The following HS6ST3 variants were observed in gnomAD, a reference collection of about 807,000 sequenced individuals.
HS6ST3 encodes heparan sulfate 6-O-sulfotransferase 3.
A neutral mutation model predicts 36.7 loss-of-function variants in HS6ST3; 12 were observed. That is an observed-to-expected ratio of 0.33 (90% confidence interval 0.21 to 0.53). HS6ST3 has a LOEUF of 0.53. Among genes scored for constraint, HS6ST3 ranks in the 20% least tolerant of loss-of-function variants. The pLI, the probability that HS6ST3 is intolerant of heterozygous loss-of-function variation, is 0.95. For missense variants in HS6ST3, 584 were observed against 640.9 expected (o/e 0.91, Z 0.96); for synonymous variants, 240 against 257.5 (o/e 0.93, Z 0.65).
At chr13:96,713,513 A>G (rs185211481) in intron 1 of HS6ST3, among the ~76,000 whole-genome samples, 8 of 152,226 alleles carry the variant, frequency 5.3e-5, no homozygotes, top group African/African-American at 1.9e-4. Flanking sequence ...GATTCTGAAC[A>G]CCTCTCATAT....
intron 1 of HS6ST3, among the ~76,000 whole-genome samples, chr13:96,379,072 T>G (rs1290524596): frequency 6.6e-6 from 1 of 152,156 alleles, no homozygotes; most frequent in Non-Finnish European, 1.5e-5. Flanking sequence ...TTTTTAACCA[T>G]CCTCTTTCCA....
intron 1 of HS6ST3, among the ~76,000 whole-genome samples, chr13:96,394,669 A>G (rs141806043): frequency 9.8e-5 from 15 of 152,346 alleles, no homozygotes; most frequent in African/African-American, 3.4e-4. Flanking sequence ...TAGCATATTA[A>G]CAATAATCTT....
At chr13:96,629,896 C>T (rs922184281) in intron 1 of HS6ST3, among the ~76,000 whole-genome samples, 1 of 151,822 alleles carries the variant, frequency 6.6e-6, no homozygotes, top group African/African-American at 2.4e-5. Flanking sequence ...GGACTTTAAA[C>T]TTTCTCAGTC....
intron 1 of HS6ST3, among the ~76,000 whole-genome samples, chr13:96,779,175 G>T (rs1339747796): frequency 6.6e-6 from 1 of 152,064 alleles, no homozygotes; most frequent in Admixed American, 6.6e-5. Flanking sequence ...ATTGATGAGT[G>T]GGGGGCTAGG....
Position 96,090,899 on chromosome 13 carries a change from G to A in HS6ST3, c.37G>A (p.Val13Met). The A allele has an allele frequency of 2.6e-6, 4 of 1,514,524 alleles. No individual in the cohort carries two copies. Among genetic ancestry groups the A allele is most frequent in the Non-Finnish European group, 2.7e-6 (3 of 1,126,762 alleles). The allele number at this position is 1,514,524 out of a possible 1,614,324, so 93.8% of individuals were successfully genotyped here. ...GTTCAACAAGTGGCTGCTGACGCCGGTGCTCACTCTCCTCTTCGTGGTCAT... is the reference window on the plus strand; with the variant it reads ...GTTCAACAAGTGGCTGCTGACGCCGATGCTCACTCTCCTCTTCGTGGTCAT... ...ERFNKWLLTP[V>M]LTLLFVVIMY... is the part of the protein sequence containing the mutation. Residue 13 changes from valine to methionine, a missense_variant, in exon 1 of 2, where the codon GTG becomes ATG. Transcript: ENST00000376705.
intron 1 of HS6ST3, among the ~76,000 whole-genome samples, chr13:96,177,802 A>G (rs1451146777): frequency 6.6e-6 from 1 of 152,086 alleles, no homozygotes; most frequent in Non-Finnish European, 1.5e-5. Flanking sequence ...AATAAAATTA[A>G]AAAAATAAAA....
chr13:96,757,873 T>C (rs958293399), intron 1 of HS6ST3, among the ~76,000 whole-genome samples: 14 of 152,238 alleles, frequency 9.2e-5, no homozygotes, highest in African/African-American at 2.9e-4. Flanking sequence ...AGTGTGCAAA[T>C]ATTTTGTGTG....
intron 1 of HS6ST3, among the ~76,000 whole-genome samples, chr13:96,496,126 G>T (rs946693683): frequency 6.6e-6 from 1 of 152,160 alleles, no homozygotes; most frequent in African/African-American, 2.4e-5. Flanking sequence ...CAGGAACTGT[G>T]CTCCCATCCC....
intron 1 of HS6ST3, among the ~76,000 whole-genome samples, chr13:96,593,815 A>G (rs974334656): frequency 6.6e-6 from 1 of 151,816 alleles, no homozygotes; most frequent in African/African-American, 2.4e-5. Context: ...CTTAAATTCT[A>G]TTTTATCTGA....
rs984868786 is a variant in HS6ST3, at chr13:96,648,124, G to C, written c.708-184366G>C. ...AAGTTGGTAGCTCAAAATTGGCCAT[G>C]ATGGAGCTTTTATACCAGAGAAATT... On this transcript the variant is annotated intron_variant, in intron 1 of 1. Coordinates refer to ENST00000376705, the MANE Select transcript of HS6ST3 (RefSeq NM_153456.4). Among the ~76,000 whole-genome samples the C allele has an allele frequency of 7.9e-5, 12 of 152,176 alleles. No homozygotes were observed. In the East Asian group the frequency reaches 1.9e-3, roughly 25 times the overall value.
chr13:96,543,022 C>T (rs1566391861), intron 1 of HS6ST3, among the ~76,000 whole-genome samples: 1 of 152,160 alleles, frequency 6.6e-6, no homozygotes, highest in Non-Finnish European at 1.5e-5. Flanking sequence ...CTTTCAGAAA[C>T]CAACGAGAGC....
At chr13:96,185,078 A>G (rs1158812011) in intron 1 of HS6ST3, among the ~76,000 whole-genome samples, 1 of 152,218 alleles carries the variant, frequency 6.6e-6, no homozygotes, top group South Asian at 2.1e-4. Flanking sequence ...GAAATTGTGT[A>G]TTTGTAGTTT....
At chr13:96,404,803 G>C (rs1021602801) in intron 1 of HS6ST3, among the ~76,000 whole-genome samples, 3 of 152,162 alleles carry the variant, frequency 2.0e-5, no homozygotes, top group Non-Finnish European at 4.4e-5. Flanking sequence ...AGGTGATATG[G>C]TTTGGCTGTG....
chr13:96,785,030 A>G (rs1459099767), intron 1 of HS6ST3, among the ~76,000 whole-genome samples: 1 of 152,124 alleles, frequency 6.6e-6, no homozygotes, highest in Non-Finnish European at 1.5e-5. Context: ...TTAGATGAGC[A>G]TGGTGGCACA....
intron 1 of HS6ST3, among the ~76,000 whole-genome samples, chr13:96,739,040 C>G (rs1250391574): frequency 1.3e-5 from 2 of 152,142 alleles, no homozygotes; most frequent in Non-Finnish European, 2.9e-5. Context: ...AACTGTCATG[C>G]CTTCTTGCAA....
chr13:96,656,456 G>C (rs1296181414), intron 1 of HS6ST3, among the ~76,000 whole-genome samples: 3 of 152,086 alleles, frequency 2.0e-5, no homozygotes, highest in Non-Finnish European at 4.4e-5. Flanking sequence ...TGTTCCAAGA[G>C]ATATGACAGA....
At chr13:96,634,250 G>A (rs1384757967) in intron 1 of HS6ST3, among the ~76,000 whole-genome samples, 1 of 152,178 alleles carries the variant, frequency 6.6e-6, no homozygotes, top group African/African-American at 2.4e-5. Flanking sequence ...AGTGAGAAGG[G>A]AGCATGTCCC....
intron 1 of HS6ST3, among the ~76,000 whole-genome samples, chr13:96,138,371 A>C (rs1003494241): frequency 8.7e-5 from 13 of 149,970 alleles, no homozygotes; most frequent in Non-Finnish European, 1.6e-4. Context: ...GATATATAAC[A>C]TATATAAATA....
At chr13:96,636,162 T>C (rs2056549028) in intron 1 of HS6ST3, among the ~76,000 whole-genome samples, 1 of 152,068 alleles carries the variant, frequency 6.6e-6, no homozygotes, top group Non-Finnish European at 1.5e-5. Context: ...GAAGTGAGGG[T>C]ACATTTGCGT....
Sources: gnomAD v4.1 joint callset for allele counts (sites outside exome capture counted in the v4.1 genomes callset) on GRCh38, gnomAD v4.1.1 for gene constraint, MANE v1.5 for transcripts, NCBI Gene and HGNC (gene_info 2026-07-23, HGNC 2026-07-21) for gene names.